Variants in DTD1 observed in about 807,000 individuals in gnomAD.
DTD1 encodes the protein D-tyrosyl-tRNA deacylase 1 homolog.
DTD1 carries 13 observed loss-of-function variants against 25.6 expected under a neutral mutation model. The observed-to-expected ratio is 0.51, with a 90% confidence interval of 0.33 to 0.81. The LOEUF is 0.81. Among genes scored for constraint, DTD1 ranks in the 30% least tolerant of loss-of-function variants. The pLI is 0.02. For synonymous variants in DTD1, 110 were observed against 103.6 expected (o/e 1.06, Z -0.37); for missense variants, 193 against 266.4 (o/e 0.72, Z 1.92).
chr20:18,657,290 A>AT (rs1170346483), intron 4 of DTD1, among the ~76,000 whole-genome samples: 1 of 152,174 alleles, frequency 6.6e-6, no homozygotes, highest in African/African-American at 2.4e-5. Context: ...TAGTTCATGC[A>AT]TTACTATTTT....
chr20:18,595,743 C>T (rs749468450), intron 2 of DTD1, among the ~76,000 whole-genome samples: 12 of 152,186 alleles, frequency 7.9e-5, no homozygotes, highest in South Asian at 2.1e-4. Context: ...TCACCAGTAG[C>T]TGCTATGAAC....
chr20:18,658,174 G>A (rs1487504971), intron 4 of DTD1, among the ~76,000 whole-genome samples: 1 of 149,188 alleles, frequency 6.7e-6, no homozygotes, highest in Admixed American at 6.8e-5. Context: ...TAGGCAGAGG[G>A]CATAAGAGTC....
At chr20:18,637,683 A>G (rs2060812630) in intron 4 of DTD1, among the ~76,000 whole-genome samples, 1 of 152,218 alleles carries the variant, frequency 6.6e-6, no homozygotes, top group African/African-American at 2.4e-5. Flanking sequence ...GTTTAATGAA[A>G]TTCATGAATG....
intron 4 of DTD1, among the ~76,000 whole-genome samples, chr20:18,683,534 G>A (rs1390376422): frequency 6.6e-6 from 1 of 152,218 alleles, no homozygotes; most frequent in Non-Finnish European, 1.5e-5. Context: ...TGAGATTCCA[G>A]TGCTTGCTGC....
In DTD1 at chr20:18,632,110, A is replaced by G. The variant is rs551817549; in HGVS notation, c.477+3877A>G. ...ACTTGACTGTAGTAATCACTTCACT[A>G]TGTGTATGTAGATCAGAGCATCATG... On this transcript the variant is annotated intron_variant, in intron 4 of 5. Coordinates refer to ENST00000377452, the MANE Select transcript of DTD1 (RefSeq NM_080820.6). The G allele has an allele frequency of 4.2e-6, 4 of 951,504 alleles. No homozygotes were observed. In the South Asian group the frequency reaches 1.9e-4, roughly 46 times the overall value. 58.9% of individuals were successfully genotyped at this position (951,504 alleles called of 1,614,324 possible). A position where few individuals can be genotyped will look rare whatever the true frequency, so the allele number is the denominator to read the frequency against.
At chr20:18,654,407 A>G (rs2060884837) in intron 4 of DTD1, among the ~76,000 whole-genome samples, 1 of 152,246 alleles carries the variant, frequency 6.6e-6, no homozygotes, top group Admixed American at 6.5e-5. Flanking sequence ...TTTTTTAAAA[A>G]GAAATTACCT....
chr20:18,645,924 G>GTAT (rs2060848555), intron 4 of DTD1, among the ~76,000 whole-genome samples: 6 of 152,188 alleles, frequency 3.9e-5, no homozygotes, highest in Non-Finnish European at 7.3e-5. Flanking sequence ...AAGATTCTGG[G>GTAT]CATAGTGTAT....
intron 4 of DTD1, among the ~76,000 whole-genome samples, chr20:18,708,210 AT>A: frequency 4.8e-5 from 1 of 20,902 alleles, no homozygotes; most frequent in South Asian, 1.4e-3. Flanking sequence ...TATATATTTT[AT>A]ATATATAATA....
chr20:18,594,135 T>G (rs1169435603), intron 2 of DTD1, among the ~76,000 whole-genome samples: 1 of 152,176 alleles, frequency 6.6e-6, no homozygotes, highest in Non-Finnish European at 1.5e-5. Flanking sequence ...GTTTCTCTTT[T>G]TTAAATTGGG....
intron 4 of DTD1, among the ~76,000 whole-genome samples, chr20:18,647,735 T>C (rs1439836956): frequency 6.6e-6 from 1 of 151,954 alleles, no homozygotes; most frequent in East Asian, 1.9e-4. Flanking sequence ...CGGTGGGCAG[T>C]GGGCAGCCAC....
intron 4 of DTD1, among the ~76,000 whole-genome samples, chr20:18,734,786 G>C (rs192039024): frequency 8.4e-4 from 128 of 152,352 alleles, no homozygotes; most frequent in Non-Finnish European, 1.2e-3. Flanking sequence ...TTTGTTACTG[G>C]TGGTAGTTGA....
chr20:18,758,200 T>G (rs1242955649), intron 5 of DTD1, among the ~76,000 whole-genome samples: 1 of 152,194 alleles, frequency 6.6e-6, no homozygotes, highest in Non-Finnish European at 1.5e-5. Flanking sequence ...CTATCAATTT[T>G]GTTGATCTTT....
chr20:18,761,933 T>C (rs2122544979), intron 5 of DTD1, among the ~76,000 whole-genome samples: 1 of 152,336 alleles, frequency 6.6e-6, no homozygotes, highest in South Asian at 2.1e-4. Context: ...CACCCACTGG[T>C]TGTCTTTTAG....
chr20:18,737,698 C>T (rs2061261743), intron 4 of DTD1, among the ~76,000 whole-genome samples: 1 of 152,238 alleles, frequency 6.6e-6, no homozygotes, highest in Non-Finnish European at 1.5e-5. Flanking sequence ...CTTCCCCACT[C>T]TGCTCTTAGC....
intron 3 of DTD1, among the ~76,000 whole-genome samples, chr20:18,623,151 G>C (rs936287002): frequency 2.6e-5 from 4 of 151,890 alleles, no homozygotes; most frequent in African/African-American, 9.7e-5. Context: ...GTGTTAGCCA[G>C]GATGGTCTCG....
intron 4 of DTD1, among the ~76,000 whole-genome samples, chr20:18,720,506 G>A (rs1288238080): frequency 1.3e-5 from 2 of 152,104 alleles, no homozygotes; most frequent in Non-Finnish European, 2.9e-5. Flanking sequence ...CATCTCTGTT[G>A]CATTTGTAGT....
intron 4 of DTD1, among the ~76,000 whole-genome samples, chr20:18,634,519 G>C (rs1024453898): frequency 6.6e-6 from 1 of 152,218 alleles, no homozygotes; most frequent in Admixed American, 6.5e-5. Context: ...AAATCACTGG[G>C]ATGAGTTGGC....
chr20:18,609,843 G>A (rs1185525540), intron 3 of DTD1, among the ~76,000 whole-genome samples: 1 of 152,166 alleles, frequency 6.6e-6, no homozygotes, highest in Non-Finnish European at 1.5e-5. Flanking sequence ...TACAAGTCTG[G>A]TCATGGATGT....
At chr20:18,727,416 C>T (rs1029719754) in intron 4 of DTD1, among the ~76,000 whole-genome samples, 3 of 151,464 alleles carry the variant, frequency 2.0e-5, no homozygotes, top group Non-Finnish European at 4.4e-5. Flanking sequence ...AAGTGGGTGG[C>T]GAGGAGACTG....
Sources: gnomAD v4.1 joint callset for allele counts (sites outside exome capture counted in the v4.1 genomes callset) on GRCh38, gnomAD v4.1.1 for gene constraint, MANE v1.5 for transcripts, NCBI Gene and HGNC (gene_info 2026-07-23, HGNC 2026-07-21) for gene names.